Variants in SGCD observed in about 807,000 individuals in gnomAD.
SGCD encodes sarcoglycan delta.
In SGCD, 18 loss-of-function variants were observed where a neutral mutation model predicts 36.6. That is an observed-to-expected ratio of 0.49 (90% confidence interval 0.34 to 0.73). The LOEUF (loss-of-function observed/expected upper bound fraction) is 0.73, where lower values mean the gene tolerates loss of function less well. Among genes scored for constraint, SGCD ranks in the 30% least tolerant of loss-of-function variants. The pLI is 0.01. For synonymous variants in SGCD, 133 were observed against 130.6 expected (o/e 1.02, Z -0.12); for missense variants, 387 against 346.7 (o/e 1.12, Z -0.92).
At chr5:156,707,599 T>C (rs1184664330) in intron 7 of SGCD, among the ~76,000 whole-genome samples, 3 of 152,168 alleles carry the variant, frequency 2.0e-5, no homozygotes, top group African/African-American at 7.2e-5. Context: ...AACTAGTCTG[T>C]ATATTTTTAA....
chr5:156,405,911 G>T (rs974879467), intron 3 of SGCD, among the ~76,000 whole-genome samples: 1 of 151,426 alleles, frequency 6.6e-6, no homozygotes, highest in African/African-American at 2.4e-5. Context: ...GATTTTACAA[G>T]GCAGGGGCCA....
intron 1 of SGCD, among the ~76,000 whole-genome samples, chr5:155,970,200 T>C (rs1373561193): frequency 1.3e-5 from 2 of 152,086 alleles, no homozygotes; most frequent in East Asian, 3.9e-4. Flanking sequence ...CCTATTCTTC[T>C]CTTCCAGCCC....
At chr5:156,594,443 T>C (rs540896474) in intron 5 of SGCD, among the ~76,000 whole-genome samples, 1 of 152,320 alleles carries the variant, frequency 6.6e-6, no homozygotes, top group African/African-American at 2.4e-5. Flanking sequence ...GAAATAAATT[T>C]CTCTTGGTGT....
chr5:155,960,248 A>G (rs1389279679), intron 1 of SGCD, among the ~76,000 whole-genome samples: 1 of 151,936 alleles, frequency 6.6e-6, no homozygotes, highest in Non-Finnish European at 1.5e-5. Context: ...TGTTTCTCTC[A>G]GGGGAAACCT....
intron 1 of SGCD, among the ~76,000 whole-genome samples, chr5:156,098,593 GTA>G (rs1761437021): frequency 7.5e-6 from 1 of 133,816 alleles, no homozygotes. Context: ...ATGGTTGTGT[GTA>G]TGTGTATATA....
At chr5:156,361,173 C>T (rs6860183) in intron 3 of SGCD, among the ~76,000 whole-genome samples, 22,430 of 152,194 alleles carry the variant, frequency 0.15, 2,283 homozygotes, top group African/African-American at 0.29. Flanking sequence ...CTTGTTCATG[C>T]GCTCCCTCCT....
the SGCD span, among the ~76,000 whole-genome samples, chr5:155,806,092 T>C: frequency 6.6e-6 from 1 of 152,206 alleles, no homozygotes; most frequent in Non-Finnish European, 1.5e-5. Context: ...CTTAGAATGA[T>C]AGACTTTGAA....
intron 1 of SGCD, among the ~76,000 whole-genome samples, chr5:155,894,571 C>T (rs535924710): frequency 6.6e-6 from 1 of 152,270 alleles, no homozygotes; most frequent in South Asian, 2.1e-4. Context: ...TCTGTATTTA[C>T]AGCCACTCCC....
chr5:156,282,857 A>G (rs571723580), intron 3 of SGCD, among the ~76,000 whole-genome samples: 74 of 152,182 alleles, frequency 4.9e-4, no homozygotes, highest in Non-Finnish European at 7.9e-4. Context: ...TTGAATATTT[A>G]TAATTTAAAA....
chr5:155,751,450 A>C, the SGCD span, among the ~76,000 whole-genome samples: 1 of 151,998 alleles, frequency 6.6e-6, no homozygotes, highest in East Asian at 1.9e-4. Flanking sequence ...TTGGAGTGCA[A>C]TTGCGGCTCA....
At chr5:156,368,353 A>C (rs1434672358) in intron 3 of SGCD, among the ~76,000 whole-genome samples, 2 of 152,056 alleles carry the variant, frequency 1.3e-5, no homozygotes, top group Non-Finnish European at 2.9e-5. Context: ...GGCCTTCCAA[A>C]GTGCTGGGAT....
intron 1 of SGCD, among the ~76,000 whole-genome samples, chr5:156,081,636 T>A (rs1005629817): frequency 2.6e-5 from 4 of 152,140 alleles, no homozygotes; most frequent in African/African-American, 9.7e-5. Context: ...GCTCAAGCAA[T>A]CCTGCCTTAG....
At chr5:156,327,255 C>G (rs1767855254) in intron 1 of SGCD, 23 bp downstream of exon 1, 1 of 152,308 alleles carries the variant, frequency 6.6e-6, no homozygotes, top group African/African-American at 2.4e-5. Flanking sequence ...TCAGTTCTTG[C>G]GTTTGCACGC....
intron 3 of SGCD, among the ~76,000 whole-genome samples, chr5:156,144,339 T>C (rs1243711018): frequency 6.6e-6 from 1 of 152,112 alleles, no homozygotes; most frequent in African/African-American, 2.4e-5. Context: ...GTTGAACTAG[T>C]TTACAGTCCC....
chr5:156,123,299 T>C (rs893727958), intron 2 of SGCD, among the ~76,000 whole-genome samples: 1 of 152,038 alleles, frequency 6.6e-6, no homozygotes. Flanking sequence ...GAGAAGAGGC[T>C]CAGGACTGAG....
intron 3 of SGCD, among the ~76,000 whole-genome samples, chr5:156,424,120 A>C (rs80032513): frequency 0.014 from 2,069 of 152,100 alleles, 22 homozygotes; most frequent in Non-Finnish European, 0.023. Context: ...CCCTTCCCAA[A>C]ATCATATTGT....
intron 3 of SGCD, among the ~76,000 whole-genome samples, chr5:156,435,614 ATC>A (rs1405530852): frequency 6.6e-6 from 1 of 152,176 alleles, no homozygotes; most frequent in Non-Finnish European, 1.5e-5. Flanking sequence ...GCTCTTGAAT[ATC>A]TCTTTTGCAG....
At chr5:155,860,161 C>A in the SGCD span, among the ~76,000 whole-genome samples, 9 of 152,208 alleles carry the variant, frequency 5.9e-5, no homozygotes, top group Non-Finnish European at 8.8e-5. Context: ...CGTTGTTTTT[C>A]TTCTCCCTTC....
chr5:156,328,901 G>T (rs1010385034), intron 1 of SGCD, among the ~76,000 whole-genome samples: 1 of 151,986 alleles, frequency 6.6e-6, no homozygotes, highest in Admixed American at 6.6e-5. Context: ...TTAGGAACTG[G>T]CATGAACCGT....
Sources: gnomAD v4.1 joint callset for allele counts (sites outside exome capture counted in the v4.1 genomes callset) on GRCh38, gnomAD v4.1.1 for gene constraint, MANE v1.5 for transcripts, NCBI Gene and HGNC (gene_info 2026-07-23, HGNC 2026-07-21) for gene names.